Variants in STAG1 observed in about 807,000 individuals in gnomAD.
The protein encoded by STAG1 is cohesin subunit SA-1.
Under a neutral mutation model 170.9 loss-of-function variants are expected in STAG1, and 26 were observed. That is an observed-to-expected ratio of 0.15 (90% CI 0.11 to 0.21). STAG1 has a LOEUF of 0.21. Among genes scored for constraint, STAG1 ranks in the 10% least tolerant of loss-of-function variants. The pLI is 1.00. For synonymous variants in STAG1, 514 were observed against 497.7 expected, an observed-to-expected ratio of 1.03 and a Z score of -0.44; for missense variants, 964 against 1,509.5, an observed-to-expected ratio of 0.64 and a Z score of 5.99.
chr3:136,363,624 C>A (rs1457548926), intron 25 of STAG1, among the ~76,000 whole-genome samples, 157 bp from the exon 26 acceptor site: 1 of 150,668 alleles, frequency 6.6e-6, no homozygotes, highest in Non-Finnish European at 1.5e-5. Flanking sequence ...TGTTTTATTT[C>A]TTCATCTTAA....
At chr3:136,487,122 C>T (rs1240667681) in intron 9 of STAG1, among the ~76,000 whole-genome samples, 3 of 151,804 alleles carry the variant, frequency 2.0e-5, no homozygotes, top group African/African-American at 4.8e-5. Flanking sequence ...CTCTAAGTTC[C>T]CTCCCCTCAC....
intron 32 of STAG1, 116 bp from the exon 33 acceptor site, chr3:136,338,566 T>C: frequency 1.4e-6 from 1 of 704,142 alleles, no homozygotes; most frequent in Non-Finnish European, 2.4e-6. Context: ...TAAGAGTCAA[T>C]TTTGAAAGGA....
chr3:136,745,821 A>G (rs1171766507), intron 1 of STAG1, among the ~76,000 whole-genome samples: 4 of 152,184 alleles, frequency 2.6e-5, no homozygotes, highest in African/African-American at 9.7e-5. Context: ...ATGATAGCTA[A>G]TAAGGTAAAA....
intron 32 of STAG1, among the ~76,000 whole-genome samples, chr3:136,339,508 C>T (rs905226110): frequency 6.6e-5 from 10 of 152,018 alleles, no homozygotes; most frequent in Admixed American, 2.6e-4. Flanking sequence ...GGCAACAGAG[C>T]GAGACTCCAT....
intron 22 of STAG1, among the ~76,000 whole-genome samples, chr3:136,391,977 T>G (rs2087022425): frequency 6.6e-6 from 1 of 152,204 alleles, no homozygotes; most frequent in Non-Finnish European, 1.5e-5. Flanking sequence ...CTTTATTTAA[T>G]AGTGTTTACT....
At chr3:136,633,630 G>A (rs1024981612) in intron 1 of STAG1, among the ~76,000 whole-genome samples, 2 of 147,626 alleles carry the variant, frequency 1.4e-5, no homozygotes, top group African/African-American at 2.5e-5. Flanking sequence ...AACTCGGAAG[G>A]CAGAGGTTGC....
At chr3:136,533,361 CTG>C (rs1324721232) in intron 6 of STAG1, among the ~76,000 whole-genome samples, 13 of 152,024 alleles carry the variant, frequency 8.6e-5, no homozygotes, top group Admixed American at 8.5e-4. Flanking sequence ...GGTAAAATGA[CTG>C]TGTCGCCTTT....
chr3:136,350,347 T>C (rs1343622137), intron 28 of STAG1, among the ~76,000 whole-genome samples: 2 of 152,134 alleles, frequency 1.3e-5, no homozygotes, highest in African/African-American at 2.4e-5. Flanking sequence ...GAAAGAAGCA[T>C]ACCATTTGCA....
chr3:136,707,496 T>C (rs550474427), intron 1 of STAG1, among the ~76,000 whole-genome samples: 1 of 152,340 alleles, frequency 6.6e-6, no homozygotes, highest in East Asian at 1.9e-4. Flanking sequence ...GATACTACTT[T>C]ACAAACTTTA....
intron 5 of STAG1, among the ~76,000 whole-genome samples, chr3:136,545,873 G>GA (rs1037577992): frequency 1.3e-5 from 2 of 151,860 alleles, no homozygotes; most frequent in East Asian, 3.9e-4. Context: ...TGTGGGGGAG[G>GA]AAAAAAAACT....
chr3:136,497,456 AAAC>A (rs1346454252), intron 9 of STAG1, among the ~76,000 whole-genome samples: 1 of 152,180 alleles, frequency 6.6e-6, no homozygotes, highest in African/African-American at 2.4e-5. Flanking sequence ...TTAAAAAATA[AAAC>A]AACACACTGA....
chr3:136,699,162 C>T (rs1942977423), intron 1 of STAG1, among the ~76,000 whole-genome samples: 1 of 152,112 alleles, frequency 6.6e-6, no homozygotes, highest in Non-Finnish European at 1.5e-5. Context: ...TCAGAAATCA[C>T]CACCAAAGAA....
intron 1 of STAG1, among the ~76,000 whole-genome samples, chr3:136,731,275 G>A (rs1211855120): frequency 6.6e-6 from 1 of 151,944 alleles, no homozygotes; most frequent in East Asian, 1.9e-4. Context: ...GAATGTTTAT[G>A]ATACAGTAAT....
intron 12 of STAG1, among the ~76,000 whole-genome samples, chr3:136,467,473 T>C (rs1576497443): frequency 6.6e-6 from 1 of 152,080 alleles, no homozygotes; most frequent in South Asian, 2.1e-4. Context: ...CCTAAATATA[T>C]ATGCACCCAA....
intron 12 of STAG1, among the ~76,000 whole-genome samples, chr3:136,471,593 A>G (rs1374177123): frequency 6.6e-6 from 1 of 152,204 alleles, no homozygotes; most frequent in African/African-American, 2.4e-5. Context: ...ACCATCACAA[A>G]GTAGGGAGAG....
intron 15 of STAG1, among the ~76,000 whole-genome samples, chr3:136,440,633 A>G (rs1406056859): frequency 2.0e-5 from 3 of 152,118 alleles, no homozygotes. Flanking sequence ...AAGTGTTGAT[A>G]AGGCAGTAGA....
chr3:136,411,492 T>C (rs2087622647), intron 21 of STAG1, among the ~76,000 whole-genome samples: 1 of 152,160 alleles, frequency 6.6e-6, no homozygotes, highest in South Asian at 2.1e-4. Flanking sequence ...TACAATAAAT[T>C]CTGAAATGTG....
intron 1 of STAG1, among the ~76,000 whole-genome samples, chr3:136,704,227 T>C (rs1177311382): frequency 1.3e-5 from 2 of 151,496 alleles, no homozygotes; most frequent in Non-Finnish European, 2.9e-5. Flanking sequence ...CTTTTTGTAT[T>C]TTTAGTAGAG....
intron 1 of STAG1, among the ~76,000 whole-genome samples, chr3:136,726,596 G>C (rs770813335): frequency 6.6e-6 from 1 of 152,070 alleles, no homozygotes; most frequent in African/African-American, 2.4e-5. Flanking sequence ...GCTAATTTTC[G>C]TATTTTTAGT....
Sources: allele counts gnomAD v4.1 joint callset (sites outside exome capture counted in the v4.1 genomes callset), GRCh38; gene constraint gnomAD v4.1.1; transcripts MANE v1.5; gene names NCBI Gene and HGNC (gene_info 2026-07-23, HGNC 2026-07-21).